Variants in ELAC2 observed in about 807,000 individuals in gnomAD.
ELAC2 encodes zinc phosphodiesterase ELAC protein 2.
ELAC2 carries 92 observed loss-of-function variants against 105.2 expected under a neutral mutation model. The ratio of observed to expected loss-of-function variants is 0.87; its 90% CI spans 0.74 to 1.04. The LOEUF is 1.04. Ranked by LOEUF, ELAC2 falls within the 50% of genes least tolerant of loss-of-function variation. The pLI, the probability that ELAC2 is intolerant of heterozygous loss-of-function variation, is 0.00. For synonymous variants in ELAC2, 468 were observed against 409.1 expected, an observed-to-expected ratio of 1.14 and a Z score of -1.74; for missense variants, 1,099 against 1,071.7, an observed-to-expected ratio of 1.03 and a Z score of -0.36.
intron 6 of ELAC2, 26 bp from the exon 7 acceptor site, chr17:13,011,808 T>A: frequency 1.2e-6 from 2 of 1,614,076 alleles, no homozygotes; most frequent in African/African-American, 1.3e-5. Flanking sequence ...ACCACCAAAT[T>A]ACACACTGCA....
At chr17:13,001,414 C>G (rs56282307) in intron 14 of ELAC2, among the ~76,000 whole-genome samples, 40,639 of 152,016 alleles carry the variant, frequency 0.27, 5,682 homozygotes, top group Middle Eastern at 0.33. Context: ...AATGCTTGAA[C>G]CCGGGAGGCG....
chr17:13,012,144 C>A (rs2041449661), intron 6 of ELAC2, among the ~76,000 whole-genome samples: 2 of 151,940 alleles, frequency 1.3e-5, no homozygotes, highest in African/African-American at 4.8e-5. Context: ...AGTTAAGGCT[C>A]AAGATCAAGG....
rs917109525 is a variant in ELAC2, at chr17:13,015,712, T to C, written c.432+56A>G. ...GATTTGCAAAAAGGAAAATTCTTGTTACTGATATTACAAAAGGAAAGATTG... is the reference window on the plus strand; with the variant it reads ...GATTTGCAAAAAGGAAAATTCTTGTCACTGATATTACAAAAGGAAAGATTG... On this transcript the variant is annotated intron_variant, in intron 4 of 23. Coordinates refer to ENST00000338034, the MANE Select transcript of ELAC2 (RefSeq NM_018127.7). The C allele has an allele frequency of 5.4e-6, 8 of 1,476,910 alleles. 1 individual carries two copies. Among genetic ancestry groups the C allele is most frequent in the Admixed American group, 3.4e-5 (2 of 59,700 alleles). The allele number at this position is 1,476,910 out of a possible 1,614,324, so 91.5% of individuals were successfully genotyped here.
In ELAC2 at chr17:13,015,818, A is replaced by T. The variant is rs762009974; in HGVS notation, c.382T>A (p.Leu128Ile). The T allele has an allele frequency of 6.2e-7, 1 of 1,614,008 alleles. No homozygotes were observed. The highest frequency in any genetic ancestry group is 1.7e-5 in the Admixed American group (1 of 60,032). The part of the protein sequence containing the change: ...VGGLSGMILT[L>I]KETGLPKCVL... ...CACTTTGGAAGCCCGGTTTCCTTTA[A>T]AGTAAGAATCATTCCTAAAAAGGAT... is the stretch of plus-strand genomic sequence containing the variant. The change falls in exon 4 of 24, where the codon TTA becomes ATA. Residue 128 changes from leucine to isoleucine, a missense_variant. Leu to Ile is a conservative substitution (Grantham distance 5). Transcript: ENST00000338034.
At chr17:13,000,319 T>C (rs2143591790) in intron 14 of ELAC2, 45 bp from the exon 15 acceptor site, 2 of 1,562,838 alleles carry the variant, frequency 1.3e-6, no homozygotes, top group Non-Finnish European at 1.8e-6. Flanking sequence ...ACAGGGTATA[T>C]GGCCTCAGCA....
intron 8 of ELAC2, chr17:13,006,313 G>C (rs35228490): frequency 1.2e-5 from 4 of 345,566 alleles, no homozygotes; most frequent in Non-Finnish European, 2.2e-5. Flanking sequence ...ATGTTGCAGT[G>C]AGCCGAGATC....
intron 12 of ELAC2, 24 bp from the exon 13 acceptor site, chr17:13,002,603 T>G (rs375929892): frequency 1.3e-6 from 2 of 1,582,486 alleles, no homozygotes; most frequent in East Asian, 4.6e-5. Flanking sequence ...GACCCGGCAT[T>G]TGCAGCGTCT....
rs2040437747 is a variant in ELAC2, at chr17:12,995,783, C to G, written c.1728G>C (p.Leu576Phe). The change falls in exon 19 of 24, where the codon TTG (leucine) becomes TTC (phenylalanine). Residue 576 changes from leucine to phenylalanine, a missense_variant. Physicochemically the swap from Leu to Phe is conservative, Grantham distance 22. Transcript: ENST00000338034. ...LASLGKPLHPLLVVAPNQLKA... is the reference protein window; with the variant it reads ...LASLGKPLHPFLVVAPNQLKA... ...TGAGCTGGTTGGGGGCAACCACCAGCAAAGGGTGAAGCGGCTTTCCCAAAG... is the reference window on the plus strand; with the variant it reads ...TGAGCTGGTTGGGGGCAACCACCAGGAAAGGGTGAAGCGGCTTTCCCAAAG... 1 of 1,612,572 alleles carries G rather than the reference C, an allele frequency of 6.2e-7. No homozygotes were observed. The highest frequency in any genetic ancestry group is 1.3e-5 in the African/African-American group (1 of 74,892).
intron 1 of ELAC2, 42 bp downstream of exon 1, chr17:13,017,661 C>T (rs764613486): frequency 6.2e-7 from 1 of 1,612,898 alleles, no homozygotes; most frequent in Non-Finnish European, 8.5e-7. Context: ...GGCTGCGCCG[C>T]ACTGAGGGCC....
intron 5 of ELAC2, 36 bp downstream of exon 5, chr17:13,014,403 G>C: frequency 1.3e-6 from 2 of 1,544,836 alleles, no homozygotes; most frequent in Non-Finnish European, 1.8e-6. Context: ...ATATAAGTTA[G>C]AAATAGCAGA....
intron 14 of ELAC2, among the ~76,000 whole-genome samples, chr17:13,001,344 T>C (rs2040796988): frequency 6.6e-6 from 1 of 151,886 alleles, no homozygotes; most frequent in East Asian, 1.9e-4. Context: ...TACAAAAAAT[T>C]AGCCGGGCGT....
chr17:12,998,318 C>A (rs893855825), intron 16 of ELAC2, 94 bp downstream of exon 16: 2 of 1,208,262 alleles, frequency 1.7e-6, no homozygotes, highest in East Asian at 2.4e-5. Context: ...GGCTTGATAC[C>A]GCATTTCAAA....
intron 19 of ELAC2, among the ~76,000 whole-genome samples, chr17:12,995,398 A>G (rs1184290956): frequency 6.6e-6 from 1 of 152,200 alleles, no homozygotes; most frequent in African/African-American, 2.4e-5. Flanking sequence ...TGTGCTAGCC[A>G]CTATTTGGGT....
At chr17:12,995,192 A>C (rs556412683) in intron 19 of ELAC2, 130 bp from the exon 20 acceptor site, 284 of 996,434 alleles carry the variant, frequency 2.9e-4, no homozygotes, top group Non-Finnish European at 3.4e-4. Flanking sequence ...CATAGTCACT[A>C]TGATGAGGAA....
At chr17:13,001,109 A>T (rs1047298028) in intron 14 of ELAC2, among the ~76,000 whole-genome samples, 3 of 152,204 alleles carry the variant, frequency 2.0e-5, no homozygotes, top group African/African-American at 7.2e-5. Context: ...CCTCAACAGC[A>T]CACAGCATCC....
chr17:13,009,218 A>G (rs1007782221), intron 8 of ELAC2, among the ~76,000 whole-genome samples: 4 of 152,014 alleles, frequency 2.6e-5, no homozygotes, highest in Non-Finnish European at 5.9e-5. Flanking sequence ...GATACTGGCA[A>G]TGATCTTGCC....
At position 13,017,076 on chromosome 17, in the gene ELAC2, C is replaced by G. The variant is rs748123262; in HGVS notation, c.291G>C (p.Glu97Asp). ...CGEGVQRLMQ[E>D]HKLKVARLDN... ...AAAGCAAGAGACTGACTCACTTGTG[C>G]TCCTGCATGAGTCTCTGAACGCCTT... is the stretch of plus-strand genomic sequence containing the variant. Residue 97 changes from glutamate to aspartate, a missense_variant, in exon 2 of 24, where the codon GAG (glutamate) becomes GAC (aspartate). Coordinates refer to ENST00000338034, the MANE Select transcript of ELAC2 (RefSeq NM_018127.7). The G allele has an allele frequency of 1.2e-6, 2 of 1,614,120 alleles. No individual in the cohort carries two copies. The highest frequency in any genetic ancestry group is 1.7e-5 in the Admixed American group (1 of 60,018).
chr17:13,003,650 G>C, intron 11 of ELAC2, 76 bp from the exon 12 acceptor site: 2 of 1,355,324 alleles, frequency 1.5e-6, no homozygotes, highest in South Asian at 1.2e-5. Context: ...CAGCCAGGGA[G>C]GGGTATCGTG....
At chr17:13,010,343 G>A (rs2041348994) in intron 8 of ELAC2, among the ~76,000 whole-genome samples, 1 of 152,204 alleles carries the variant, frequency 6.6e-6, no homozygotes, top group South Asian at 2.1e-4. Flanking sequence ...GCTAATTTTT[G>A]TATTTTTAGT....
Sources: gnomAD v4.1 joint callset for allele counts (sites outside exome capture counted in the v4.1 genomes callset) on GRCh38, gnomAD v4.1.1 for gene constraint, MANE v1.5 for transcripts, NCBI Gene and HGNC (gene_info 2026-07-23, HGNC 2026-07-21) for gene names.